The following CMTM4 variants were observed in gnomAD, a reference collection of about 807,000 sequenced individuals.
CMTM4 encodes CKLF like MARVEL transmembrane domain containing 4, also known as CKLF-like MARVEL transmembrane domain-containing protein 4.
A neutral mutation model predicts 19.0 loss-of-function variants in CMTM4; 8 were observed. The ratio of observed to expected loss-of-function variants is 0.42; its 90% CI spans 0.25 to 0.76. The LOEUF is 0.76. Ranked by LOEUF, CMTM4 falls within the 30% of genes least tolerant of loss-of-function variation. CMTM4 has a pLI of 0.27. For missense variants in CMTM4, 228 were observed against 290.2 expected, an observed-to-expected ratio of 0.79 and a Z score of 1.56; for synonymous variants, 106 against 121.1, an observed-to-expected ratio of 0.88 and a Z score of 0.82.
intron 1 of CMTM4, among the ~76,000 whole-genome samples, chr16:66,692,143 T>A (rs1023604055): frequency 2.0e-5 from 3 of 152,078 alleles, no homozygotes; most frequent in African/African-American, 7.2e-5. Context: ...CAGGCTGGAA[T>A]GCAAGGGCAC....
intron 1 of CMTM4, among the ~76,000 whole-genome samples, chr16:66,683,141 ATATATG>A (rs1435140785): frequency 6.1e-5 from 8 of 131,892 alleles, no homozygotes; most frequent in African/African-American, 1.9e-4. Flanking sequence ...ATATATATAT[ATATATG>A]TATATATATA....
chr16:66,626,719 C>G (rs1294035548), intron 2 of CMTM4, among the ~76,000 whole-genome samples: 2 of 148,338 alleles, frequency 1.3e-5, no homozygotes, highest in Admixed American at 6.7e-5. Context: ...GCTGTGAGCC[C>G]AGATTGCGCC....
At chr16:66,686,253 CAA>C (rs74924092) in intron 1 of CMTM4, among the ~76,000 whole-genome samples, 8 of 95,432 alleles carry the variant, frequency 8.4e-5, no homozygotes, top group Admixed American at 1.1e-4. Context: ...ATTCCGTCTC[CAA>C]AAAAAAAAAA....
chr16:66,630,243 A>T (rs561750724), intron 2 of CMTM4, among the ~76,000 whole-genome samples: 1 of 151,178 alleles, frequency 6.6e-6, no homozygotes, highest in Non-Finnish European at 1.5e-5. Flanking sequence ...CTTGGTGTGG[A>T]AAATGTATTT....
intron 2 of CMTM4, among the ~76,000 whole-genome samples, chr16:66,632,729 G>T (rs2015897747): frequency 6.6e-6 from 1 of 152,078 alleles, no homozygotes; most frequent in African/African-American, 2.4e-5. Context: ...GAGCCCCGTG[G>T]CACTAATCAA....
At chr16:66,668,431 G>A (rs1555501270) in intron 1 of CMTM4, among the ~76,000 whole-genome samples, 1 of 152,094 alleles carries the variant, frequency 6.6e-6, no homozygotes, top group Non-Finnish European at 1.5e-5. Context: ...ATTGTTTTTG[G>A]AAATATCTGT....
chr16:66,646,999 G>A (rs891107845), intron 1 of CMTM4, among the ~76,000 whole-genome samples: 4 of 149,452 alleles, frequency 2.7e-5, no homozygotes, highest in Non-Finnish European at 5.9e-5. Context: ...GACCCACCAC[G>A]CCCAGCCTGG....
intron 1 of CMTM4, among the ~76,000 whole-genome samples, chr16:66,666,361 G>C (rs929406476): frequency 2.0e-5 from 3 of 151,916 alleles, no homozygotes; most frequent in South Asian, 2.1e-4. Context: ...GCTGAGGCAG[G>C]AGAATGGCGT....
the CMTM4 span, among the ~76,000 whole-genome samples, chr16:66,599,316 G>GA: frequency 1.3e-5 from 2 of 151,344 alleles, no homozygotes; most frequent in African/African-American, 4.9e-5. Context: ...AAAACAGAAA[G>GA]AAAAAATATA....
chr16:66,642,307 G>A (rs2016110158), intron 1 of CMTM4, among the ~76,000 whole-genome samples: 1 of 152,216 alleles, frequency 6.6e-6, no homozygotes, highest in Non-Finnish European at 1.5e-5. Context: ...CCAAAAAGAT[G>A]TATATAAGAA....
chr16:66,694,705 T>A (rs1362866949), intron 1 of CMTM4, among the ~76,000 whole-genome samples: 1 of 102,488 alleles, frequency 9.8e-6, no homozygotes, highest in African/African-American at 4.0e-5. Flanking sequence ...AGAGCTAGAC[T>A]CCATCTCAAA....
chr16:66,659,040 G>A (rs1442015978), intron 1 of CMTM4, among the ~76,000 whole-genome samples: 1 of 152,010 alleles, frequency 6.6e-6, no homozygotes, highest in Non-Finnish European at 1.5e-5. Context: ...AAGCTATATA[G>A]AGTAACCAGG....
downstream of CMTM4, chr16:66,613,247 C>T (rs2015451979): frequency 1.5e-6 from 1 of 653,428 alleles, no homozygotes; most frequent in Non-Finnish European, 2.8e-6. Flanking sequence ...ACACCTCCCA[C>T]CCTTGGAAAC....
chr16:66,671,166 T>C (rs1042329278), intron 1 of CMTM4, among the ~76,000 whole-genome samples: 1 of 152,196 alleles, frequency 6.6e-6, no homozygotes, highest in Non-Finnish European at 1.5e-5. Context: ...AAAGCAGCTT[T>C]GTAAGCCTCA....
chr16:66,688,194 G>A (rs1296301121), intron 1 of CMTM4, among the ~76,000 whole-genome samples: 3 of 152,046 alleles, frequency 2.0e-5, no homozygotes, highest in Non-Finnish European at 4.4e-5. Flanking sequence ...TGAGGGCTGA[G>A]CCCTCATGAC....
intron 1 of CMTM4, among the ~76,000 whole-genome samples, chr16:66,695,436 T>C (rs1350374766): frequency 6.6e-6 from 1 of 152,154 alleles, no homozygotes; most frequent in Non-Finnish European, 1.5e-5. Context: ...AAGGCCTACC[T>C]GTGACAGAGA....
downstream of CMTM4, chr16:66,612,959 T>C (rs1020982792): frequency 9.8e-5 from 66 of 676,678 alleles, no homozygotes; most frequent in Middle Eastern, 1.0e-3. The surrounding 1 kb of genome is among the most constrained non-coding windows in gnomAD (Gnocchi z 6.0). Flanking sequence ...CTTGTCTGTA[T>C]CTGGGCAGCA....
At chr16:66,627,634 A>AT (rs917875091) in intron 2 of CMTM4, among the ~76,000 whole-genome samples, 16 of 150,394 alleles carry the variant, frequency 1.1e-4, no homozygotes, top group African/African-American at 3.2e-4. Flanking sequence ...TATTCTGGAC[A>AT]TTTTTTTTTT....
Position 66,683,136 on chromosome 16 carries a change from TA to T in CMTM4, c.186+13203del, listed in dbSNP as rs1301122832. Among the ~76,000 whole-genome samples, 32 of 135,330 alleles carry T rather than the reference TA, an allele frequency of 2.4e-4. 1 individual carries two copies. In the Middle Eastern group the frequency reaches 0.018, roughly 77 times the overall value. 88.8% of individuals were successfully genotyped at this position (135,330 alleles called of 152,430 possible). On this transcript the variant is annotated intron_variant, in intron 1 of 3. Coordinates refer to ENST00000394106, the MANE Select transcript of CMTM4 (RefSeq NM_181521.3). ...GTGTGTGTGTGTGTGTGTGTATATA[TA>T]TATATATATGTATATATATATACGT...
Sources: gnomAD v4.1 joint callset for allele counts (sites outside exome capture counted in the v4.1 genomes callset) on GRCh38, gnomAD v4.1.1 for gene constraint, Gnocchi (gnomAD v3.1) non-coding constraint, MANE v1.5 for transcripts, NCBI Gene and HGNC (gene_info 2026-07-23, HGNC 2026-07-21) for gene names.